Variants in RNF220 observed in about 807,000 individuals in gnomAD.
RNF220 encodes E3 ubiquitin-protein ligase RNF220.
In RNF220, 7 loss-of-function variants were observed where a neutral mutation model predicts 67.1. The ratio of observed to expected loss-of-function variants is 0.10; its 90% CI spans 0.06 to 0.20. The LOEUF is 0.20. RNF220 is among the 10% of genes least tolerant of loss of function. The pLI is 1.00. For missense variants in RNF220, 565 were observed against 740.3 expected, an observed-to-expected ratio of 0.76 and a Z score of 2.75; for synonymous variants, 270 against 283.2, an observed-to-expected ratio of 0.95 and a Z score of 0.47.
chr1:44,420,188 T>C (rs1649054664), intron 2 of RNF220, among the ~76,000 whole-genome samples: 1 of 152,248 alleles, frequency 6.6e-6, no homozygotes, highest in Non-Finnish European at 1.5e-5. Context: ...TGGGGAGACA[T>C]GGTGCTGTGT....
intron 2 of RNF220, among the ~76,000 whole-genome samples, chr1:44,513,147 G>T (rs940107424): frequency 2.6e-5 from 4 of 152,218 alleles, no homozygotes; most frequent in African/African-American, 9.7e-5. Flanking sequence ...GCAGTAGCTG[G>T]TTTGGCAATT....
At chr1:44,616,094 A>G (rs457397) in intron 3 of RNF220, among the ~76,000 whole-genome samples, 6,739 of 152,258 alleles carry the variant, frequency 0.044, 230 homozygotes, top group East Asian at 0.15. Flanking sequence ...TCCCTATGAC[A>G]TGGCAGCTGA....
chr1:44,446,934 C>T (rs1293782102), intron 2 of RNF220, among the ~76,000 whole-genome samples: 1 of 152,174 alleles, frequency 6.6e-6, no homozygotes, highest in Non-Finnish European at 1.5e-5. Context: ...CATAGACACA[C>T]CTGCAGCGAT....
At chr1:44,574,158 C>T (rs576793937) in intron 2 of RNF220, among the ~76,000 whole-genome samples, 12 of 152,104 alleles carry the variant, frequency 7.9e-5, no homozygotes, top group Non-Finnish European at 1.3e-4. Flanking sequence ...AATGAATGAA[C>T]GAATGAATGA....
chr1:44,523,200 G>A (rs1044789421), intron 2 of RNF220, among the ~76,000 whole-genome samples: 1 of 152,158 alleles, frequency 6.6e-6, no homozygotes, highest in African/African-American at 2.4e-5. Context: ...CCACATCTGG[G>A]GAAGTCATCT....
chr1:44,412,694 A>G lies in RNF220; in HGVS notation c.597A>G (p.Ser199=). 4 of 1,614,168 alleles carry G rather than the reference A, an allele frequency of 2.5e-6. No individual in the cohort carries two copies. In the South Asian group the frequency reaches 4.4e-5, roughly 18 times the overall value. The change falls in exon 2 of 15, where the codon TCA becomes TCG. Residue 199 remains serine, a synonymous_variant. Coordinates refer to ENST00000361799, the MANE Select transcript of RNF220 (RefSeq NM_018150.4). This position sits in a 1 kb window ranked among gnomAD's most constrained non-coding sequence, Gnocchi z 5.3. ...VSGLISDREA[S]SSPEDRNDRC... ...GCCTCATTTCTGATCGGGAAGCCTCATCTAGCCCAGAGGATCGGAATGACA... is the reference window on the plus strand; with the variant it reads ...GCCTCATTTCTGATCGGGAAGCCTCGTCTAGCCCAGAGGATCGGAATGACA...
Position 44,635,591 on chromosome 1 carries a change from A to G in RNF220, c.993+3A>G, listed in dbSNP as rs1381232001. The G allele has an allele frequency of 6.2e-7, 1 of 1,614,094 alleles. No individual in the cohort carries two copies. The highest frequency in any genetic ancestry group is 8.5e-7 in the Non-Finnish European group (1 of 1,180,030). On this transcript the variant is annotated splice_donor_region_variant and intron_variant, in intron 7 of 14. Transcript: ENST00000361799. The stretch of plus-strand genomic sequence containing the variant: ...GGAGGAAGCAAGATGAAGGGCAGGT[A>G]TGTCCCCTGTGCAACCGCCCCCTGG...
intron 8 of RNF220, among the ~76,000 whole-genome samples, chr1:44,641,603 T>C (rs1370931919): frequency 1.3e-5 from 2 of 152,180 alleles, no homozygotes; most frequent in African/African-American, 4.8e-5. Context: ...GGGGGCGCTG[T>C]CTGCATAAAA....
intron 2 of RNF220, among the ~76,000 whole-genome samples, chr1:44,599,744 G>C (rs1666786041): frequency 6.6e-6 from 1 of 152,252 alleles, no homozygotes; most frequent in Non-Finnish European, 1.5e-5. Context: ...GAGAATACCA[G>C]ATGAAGAGCT....
At chr1:44,544,257 G>A (rs1285482344) in intron 2 of RNF220, among the ~76,000 whole-genome samples, 1 of 152,208 alleles carries the variant, frequency 6.6e-6, no homozygotes, top group African/African-American at 2.4e-5. Context: ...CTGAGCCAAG[G>A]ACTGCTCTCC....
intron 3 of RNF220, among the ~76,000 whole-genome samples, chr1:44,615,733 G>T (rs560023663): frequency 3.3e-5 from 5 of 152,188 alleles, no homozygotes; most frequent in Non-Finnish European, 5.9e-5. Flanking sequence ...AGCAAAGAAG[G>T]CTTCCTCAGA....
chr1:44,499,456 A>G (rs1657633618), intron 2 of RNF220, among the ~76,000 whole-genome samples: 1 of 151,722 alleles, frequency 6.6e-6, no homozygotes, highest in Non-Finnish European at 1.5e-5. Flanking sequence ...ATCATACTCA[A>G]TCTGTCACTC....
intron 2 of RNF220, among the ~76,000 whole-genome samples, chr1:44,574,142 C>T (rs888298975): frequency 2.0e-5 from 3 of 151,740 alleles, no homozygotes; most frequent in South Asian, 2.1e-4. Context: ...AGTGAATGAA[C>T]GAATGAATGA....
At chr1:44,438,468 T>A (rs1481979188) in intron 2 of RNF220, among the ~76,000 whole-genome samples, 1 of 152,202 alleles carries the variant, frequency 6.6e-6, no homozygotes, top group Admixed American at 6.5e-5. Flanking sequence ...AATATGCCTA[T>A]CATTAAGTAA....
intron 6 of RNF220, 105 bp from the exon 7 acceptor site, chr1:44,635,440 G>GC (rs1316507002): frequency 1.3e-6 from 2 of 1,515,838 alleles, no homozygotes; most frequent in Non-Finnish European, 1.8e-6. Flanking sequence ...GAATAAAAAG[G>GC]CCAATGGCTG....
chr1:44,598,749 C>T (rs920669329), intron 2 of RNF220, among the ~76,000 whole-genome samples: 5 of 152,202 alleles, frequency 3.3e-5, no homozygotes, highest in Non-Finnish European at 7.3e-5. Context: ...TCACCCATTT[C>T]CCACCAGGTC....
chr1:44,484,921 A>T (rs1373703973), intron 2 of RNF220, among the ~76,000 whole-genome samples: 2 of 152,164 alleles, frequency 1.3e-5, no homozygotes, highest in African/African-American at 2.4e-5. Flanking sequence ...AGGCAGGTGG[A>T]TCACAAGGTC....
chr1:44,552,563 CTTCT>C (rs1166875248), intron 2 of RNF220, among the ~76,000 whole-genome samples: 1,036 of 71,306 alleles, frequency 0.015, 2 homozygotes, highest in Middle Eastern at 0.083. Context: ...TTCTAAACTT[CTTCT>C]TTTTTTTTTT....
intron 2 of RNF220, among the ~76,000 whole-genome samples, chr1:44,547,110 C>T (rs1371728949): frequency 6.6e-6 from 1 of 152,158 alleles, no homozygotes; most frequent in Admixed American, 6.5e-5. Context: ...ACGAGAGCCC[C>T]CAGGATGGGA....
Sources: gnomAD v4.1 joint callset for allele counts (sites outside exome capture counted in the v4.1 genomes callset) on GRCh38, gnomAD v4.1.1 for gene constraint, Gnocchi (gnomAD v3.1) non-coding constraint, MANE v1.5 for transcripts, NCBI Gene and HGNC (gene_info 2026-07-23, HGNC 2026-07-21) for gene names.